Variants in KCNE3 observed in about 807,000 individuals in gnomAD.
KCNE3 encodes the protein potassium voltage-gated channel subfamily E member 3.
KCNE3 carries 2 observed loss-of-function variants against 4.3 expected under a neutral mutation model. The ratio of observed to expected loss-of-function variants is 0.47; its 90% CI spans 0.19 to 1.48. The LOEUF is 1.48. KCNE3 is among the 40% of genes most tolerant of loss of function. The pLI, the probability that KCNE3 is intolerant of heterozygous loss-of-function variation, is 0.25. For missense variants in KCNE3, 128 were observed against 136.8 expected, an observed-to-expected ratio of 0.94 and a Z score of 0.32; for synonymous variants, 47 against 52.0, an observed-to-expected ratio of 0.90 and a Z score of 0.41.
rs1264245380 is a variant in KCNE3, at chr11:74,456,284, A to G, written c.*968T>C. On this transcript the variant is annotated 3_prime_UTR_variant, in exon 3 of 3. Coordinates refer to ENST00000310128, the MANE Select transcript of KCNE3 (RefSeq NM_005472.5). ...GAGGTGGGGGTTGCAGTGAGCCAAGATTGGGTTGCTGCACCACAGCCTGGG... is the reference window on the plus strand; with the variant it reads ...GAGGTGGGGGTTGCAGTGAGCCAAGGTTGGGTTGCTGCACCACAGCCTGGG... 1 of 144,924 alleles carries G rather than the reference A, an allele frequency of 6.9e-6. No homozygotes were observed. Among genetic ancestry groups the G allele is most frequent in the Non-Finnish European group, 1.5e-5 (1 of 66,638 alleles). 9.0% of individuals were successfully genotyped at this position (144,924 alleles called of 1,614,324 possible).
chr11:74,462,639 TAAAG>T (rs2135015895), intron 1 of KCNE3: 1 of 152,230 alleles, frequency 6.6e-6, no homozygotes, highest in East Asian at 1.9e-4. Flanking sequence ...TTGTGAAAAT[TAAAG>T]AACATCATGT....
rs571939861 is a variant in KCNE3, at chr11:74,456,448, G to A, written c.*804C>T. The A allele has an allele frequency of 6.6e-6, 1 of 152,186 alleles. No individual in the cohort carries two copies. Among genetic ancestry groups the A allele is most frequent in the East Asian group, 1.9e-4 (1 of 5,178 alleles). 9.4% of individuals were successfully genotyped at this position (152,186 alleles called of 1,614,324 possible). A position where few individuals can be genotyped will look rare whatever the true frequency, so the allele number is the denominator to read the frequency against. ...TTGCCTGGCAATGTGGCTGGGAAGTGCCCTGTGACTTGGTTCAAGAAGCAT... is the reference window on the plus strand; with the variant it reads ...TTGCCTGGCAATGTGGCTGGGAAGTACCCTGTGACTTGGTTCAAGAAGCAT... On this transcript the variant is annotated 3_prime_UTR_variant, in exon 3 of 3. Coordinates refer to ENST00000310128, the MANE Select transcript of KCNE3 (RefSeq NM_005472.5).
intron 2 of KCNE3, among the ~76,000 whole-genome samples, chr11:74,458,603 C>T (rs181957819): frequency 1.2e-4 from 19 of 152,262 alleles, no homozygotes; most frequent in African/African-American, 3.4e-4. Context: ...GAGGCTGAGG[C>T]GGGTGGGATC....
At chr11:74,460,003 C>T (rs1002477736) in intron 2 of KCNE3, among the ~76,000 whole-genome samples, 59 of 152,224 alleles carry the variant, frequency 3.9e-4, no homozygotes, top group African/African-American at 1.4e-3. Flanking sequence ...ATGGGTAGAA[C>T]TGTTAACAAA....
In KCNE3 at chr11:74,455,973, C is replaced by T. The variant is rs1221920589; in HGVS notation, c.*1279G>A. 6.6e-6 allele frequency: 1 copy of T among 151,370 alleles called. No individual in the cohort carries two copies. The highest frequency in any genetic ancestry group is 6.6e-5 in the Admixed American group (1 of 15,184). The allele number at this position is 151,370 out of a possible 1,614,324, so 9.4% of individuals were successfully genotyped here. On this transcript the variant is annotated 3_prime_UTR_variant, in exon 3 of 3. Transcript: ENST00000310128. ...GAACTCCTGACCTCAGGTGATCCGC[C>T]CACCTTGGCAGTATCAGTCTTTTAG...
At position 74,456,340 on chromosome 11, in the gene KCNE3, A is replaced by AAAAC. The variant is rs1863815314; in HGVS notation, c.*911_*912insGTTT. Reference sequence around the variant, plus strand: ...TAGGGAGACTGTCTCAAAAAAAAAAAAAGAAAAGAAAAGAAAAGAAGTTTC... The same window carrying AAAAC: ...TAGGGAGACTGTCTCAAAAAAAAAAAAAACAAGAAAAGAAAAGAAAAGAAGTTTC... On this transcript the variant is annotated 3_prime_UTR_variant, in exon 3 of 3. Transcript: ENST00000310128. 1 of 146,886 alleles carries AAAAC rather than the reference A, an allele frequency of 6.8e-6. No homozygotes were observed. The highest frequency in any genetic ancestry group is 6.9e-5 in the Admixed American group (1 of 14,586). The allele number at this position is 146,886 out of a possible 1,614,324, so 9.1% of individuals were successfully genotyped here.
rs1863832266 is a variant in KCNE3, at chr11:74,457,031, G to C, written c.*221C>G. On this transcript the variant is annotated 3_prime_UTR_variant, in exon 3 of 3. Transcript: ENST00000310128. Reference sequence around the variant, plus strand: ...ATATGTTTGTTCATGGGCTCCCACTGTTTATAAAGTCTATCTTTTCCTGGG... The same window carrying C: ...ATATGTTTGTTCATGGGCTCCCACTCTTTATAAAGTCTATCTTTTCCTGGG... 2 of 597,160 alleles carry C rather than the reference G, an allele frequency of 3.3e-6. No individual in the cohort carries two copies. Among genetic ancestry groups the C allele is most frequent in the African/African-American group, 3.7e-5 (2 of 53,826 alleles). 37.0% of individuals were successfully genotyped at this position (597,160 alleles called of 1,614,324 possible). A position where few individuals can be genotyped will look rare whatever the true frequency, so the allele number is the denominator to read the frequency against.
At chr11:74,460,335 T>C (rs1296290600) in intron 2 of KCNE3, among the ~76,000 whole-genome samples, 1 of 152,186 alleles carries the variant, frequency 6.6e-6, no homozygotes, top group Non-Finnish European at 1.5e-5. Flanking sequence ...ATGAAATAAA[T>C]AACTCAAAAA....
intron 1 of KCNE3, among the ~76,000 whole-genome samples, chr11:74,466,186 A>G (rs1268136188): frequency 2.6e-5 from 4 of 152,160 alleles, no homozygotes; most frequent in Non-Finnish European, 4.4e-5. Flanking sequence ...AAGTAACTTT[A>G]TCACTCTAAG....
chr11:74,467,190 A>G lies in KCNE3; in HGVS notation c.-190+208T>C, dbSNP rs112581474. 2.8e-3 allele frequency among the ~76,000 whole-genome samples: 420 copies of G among 152,224 alleles called. 2 individuals carry two copies. The highest frequency in any genetic ancestry group is 9.6e-3 in the African/African-American group (399 of 41,538). ...GCAGAGCCCAGCTCCCTACTCCCAC[A>G]TGCTGCTCCACGATCACTGCGCTCG... On this transcript the variant is annotated intron_variant, in intron 1 of 2. Transcript: ENST00000310128. The surrounding 1 kb of genome is among the most constrained non-coding windows in gnomAD (Gnocchi z 4.4).
At position 74,456,338 on chromosome 11, in the gene KCNE3, A is replaced by AAAG. The variant is rs1363396260; in HGVS notation, c.*913_*914insCTT. On this transcript the variant is annotated 3_prime_UTR_variant, in exon 3 of 3. Transcript: ENST00000310128. ...CATAGGGAGACTGTCTCAAAAAAAA[A>AAAG]AAAAGAAAAGAAAAGAAAAGAAGTT... 5 of 147,918 alleles carry AAAG rather than the reference A, an allele frequency of 3.4e-5. No individual in the cohort carries two copies. The highest frequency in any genetic ancestry group is 4.9e-5 in the African/African-American group (2 of 40,602). The allele number at this position is 147,918 out of a possible 1,614,324, so 9.2% of individuals were successfully genotyped here.
chr11:74,461,745 T>C lies in KCNE3; in HGVS notation c.-41+210A>G, dbSNP rs1413213949. ...TATGTAGAAGAGGATTAAAAACTTTTTTTTTATTTTCAAGAAGCAAATATG... is the reference window on the plus strand; with the variant it reads ...TATGTAGAAGAGGATTAAAAACTTTCTTTTTATTTTCAAGAAGCAAATATG... On this transcript the variant is annotated intron_variant, in intron 2 of 2. Coordinates refer to ENST00000310128, the MANE Select transcript of KCNE3 (RefSeq NM_005472.5). Among the ~76,000 whole-genome samples the C allele has an allele frequency of 3.3e-5, 5 of 152,056 alleles. No homozygotes were observed. The East Asian group carries it at 9.6e-4, about 29-fold the overall frequency.
At chr11:74,466,036 T>C (rs762154257) in intron 1 of KCNE3, among the ~76,000 whole-genome samples, 6 of 152,148 alleles carry the variant, frequency 3.9e-5, no homozygotes, top group Non-Finnish European at 8.8e-5. Flanking sequence ...CTACCCTCTA[T>C]GATCATTCCC....
At position 74,467,178 on chromosome 11, in the gene KCNE3, C is replaced by T. The variant is rs1864078036; in HGVS notation, c.-190+220G>A. ...CAGACGGGGCGCGCAGAGCCCAGCT[C>T]CCTACTCCCACATGCTGCTCCACGA... On this transcript the variant is annotated intron_variant, in intron 1 of 2. Transcript: ENST00000310128. This position sits in a 1 kb window ranked among gnomAD's most constrained non-coding sequence, Gnocchi z 4.4. Among the ~76,000 whole-genome samples the T allele has an allele frequency of 6.6e-6, 1 of 152,198 alleles. No homozygotes were observed. The highest frequency in any genetic ancestry group is 6.5e-5 in the Admixed American group (1 of 15,292).
chr11:74,463,099 T>G (rs1314590124), intron 1 of KCNE3, among the ~76,000 whole-genome samples: 2 of 152,046 alleles, frequency 1.3e-5, no homozygotes, highest in Non-Finnish European at 2.9e-5. Flanking sequence ...AGAGATTTAC[T>G]CATTTTTCCT....
At chr11:74,460,542 G>T (rs889892430) in intron 2 of KCNE3, among the ~76,000 whole-genome samples, 2 of 152,212 alleles carry the variant, frequency 1.3e-5, no homozygotes, top group Admixed American at 1.3e-4. Flanking sequence ...ATTTGAGTTG[G>T]ACCTTGAAGG....
In KCNE3 at chr11:74,456,983, G is replaced by A; in HGVS notation, c.*269C>T. 3.9e-6 allele frequency: 2 copies of A among 512,890 alleles called. No individual in the cohort carries two copies. Among genetic ancestry groups the A allele is most frequent in the South Asian group, 2.2e-5 (1 of 45,802 alleles). 31.8% of individuals were successfully genotyped at this position (512,890 alleles called of 1,614,324 possible). A position where few individuals can be genotyped will look rare whatever the true frequency, so the allele number is the denominator to read the frequency against. ...TACTCCAGCCACTGAACCAGTTATTGGTCATTATCTGTTGCTACTTTTATA... is the reference window on the plus strand; with the variant it reads ...TACTCCAGCCACTGAACCAGTTATTAGTCATTATCTGTTGCTACTTTTATA... On this transcript the variant is annotated 3_prime_UTR_variant, in exon 3 of 3. Transcript: ENST00000310128.
chr11:74,462,295 G>C (rs1863972295), intron 1 of KCNE3, 192 bp from the exon 2 acceptor site: 1 of 152,380 alleles, frequency 6.6e-6, no homozygotes, highest in African/African-American at 2.4e-5. Flanking sequence ...GCAGTTAAAG[G>C]AACTGTGCAG....
intron 1 of KCNE3, chr11:74,462,754 G>A (rs1324555028): frequency 6.6e-6 from 1 of 152,258 alleles, no homozygotes; most frequent in Non-Finnish European, 1.5e-5. Context: ...TCACTTTACG[G>A]TGAAGGAAAT....
Sources: gnomAD v4.1 joint callset for allele counts (sites outside exome capture counted in the v4.1 genomes callset) on GRCh38, gnomAD v4.1.1 for gene constraint, Gnocchi (gnomAD v3.1) non-coding constraint, MANE v1.5 for transcripts, NCBI Gene and HGNC (gene_info 2026-07-23, HGNC 2026-07-21) for gene names.